Variants in ATP6V0D1 observed in about 807,000 individuals in gnomAD.
ATP6V0D1 encodes the protein ATPase H+ transporting V0 subunit d1.
Under a neutral mutation model 39.0 loss-of-function variants are expected in ATP6V0D1, and 13 were observed. The ratio of observed to expected loss-of-function variants is 0.33; its 90% CI spans 0.22 to 0.53. ATP6V0D1 has a LOEUF of 0.53. Among genes scored for constraint, ATP6V0D1 ranks in the 20% least tolerant of loss-of-function variants. ATP6V0D1 has a pLI of 0.94. For missense variants in ATP6V0D1, 272 were observed against 470.9 expected (o/e 0.58, Z 3.91); for synonymous variants, 191 against 191.2 (o/e 1.00, Z 0.01).
In ATP6V0D1 at chr16:67,445,213, G is replaced by A. The variant is rs561953799; in HGVS notation, c.303-507C>T. 3.9e-5 allele frequency among the ~76,000 whole-genome samples: 6 copies of A among 152,340 alleles called. No homozygotes were observed. The South Asian group carries it at 1.2e-3, about 32-fold the overall frequency. On this transcript the variant is annotated intron_variant, in intron 2 of 7. Transcript: ENST00000290949. ...GGCATGGTCAGGACTGGCAGAGGGA[G>A]AGAAAGGCGCAGCAGCCGGCAGCAC...
intron 1 of ATP6V0D1, among the ~76,000 whole-genome samples, chr16:67,460,642 C>T (rs1173672680): frequency 6.6e-6 from 1 of 152,176 alleles, no homozygotes; most frequent in East Asian, 1.9e-4. Context: ...TCCAACACTT[C>T]CTATCAAATG....
At chr16:67,454,142 C>A (rs1425150691) in intron 1 of ATP6V0D1, among the ~76,000 whole-genome samples, 2 of 152,158 alleles carry the variant, frequency 1.3e-5, no homozygotes, top group Non-Finnish European at 2.9e-5. Context: ...CACCCCGAGG[C>A]ACATGAAATA....
rs1019147198 is a variant in ATP6V0D1, at chr16:67,438,461, GCACACACACGCGCACACACACA to G, written c.*45_*66del. ...TGTCACAGACCACATACACACACAC[GCACACACACGCGCACACACACA>G]CACACACACACAAAGAGTGCAATTG... On this transcript the variant is annotated 3_prime_UTR_variant, in exon 8 of 8. Coordinates refer to ENST00000290949, the MANE Select transcript of ATP6V0D1 (RefSeq NM_004691.5). 3.9e-6 allele frequency: 6 copies of G among 1,536,368 alleles called. No homozygotes were observed. The African/African-American group carries it at 5.5e-5, about 14-fold the overall frequency.
chr16:67,463,650 T>G, intron 1 of ATP6V0D1, among the ~76,000 whole-genome samples: 1 of 151,540 alleles, frequency 6.6e-6, no homozygotes. Context: ...GAGGTAGAGT[T>G]AATCCATCCC....
At chr16:67,465,304 C>T (rs1452891956) in intron 1 of ATP6V0D1, among the ~76,000 whole-genome samples, 1 of 152,198 alleles carries the variant, frequency 6.6e-6, no homozygotes, top group Admixed American at 6.5e-5. Flanking sequence ...TTGGCCATCT[C>T]CCGGAGTCAC....
At chr16:67,462,976 C>T (rs1473540946) in intron 1 of ATP6V0D1, among the ~76,000 whole-genome samples, 1 of 152,158 alleles carries the variant, frequency 6.6e-6, no homozygotes, top group Non-Finnish European at 1.5e-5. Flanking sequence ...AAAGTTGGGG[C>T]TCACTCAGTT....
Position 67,456,840 on chromosome 16 carries a change from G to GTTT in ATP6V0D1, c.131-3126_131-3125insAAA. On this transcript the variant is annotated intron_variant, in intron 1 of 7. Coordinates refer to ENST00000290949, the MANE Select transcript of ATP6V0D1 (RefSeq NM_004691.5). This position sits in a 1 kb window ranked among gnomAD's most constrained non-coding sequence, Gnocchi z 4.1. Reference sequence around the variant, plus strand: ...GGCCTCCTGATCCCTCCCCTCCAAAGCATCAGGGGCTGGGCCTCACCCGGG... The same window carrying GTTT: ...GGCCTCCTGATCCCTCCCCTCCAAAGTTTCATCAGGGGCTGGGCCTCACCCGGG... 6.6e-6 allele frequency: 1 copy of GTTT among 152,328 alleles called. No individual in the cohort carries two copies. The highest frequency in any genetic ancestry group is 1.5e-5 in the Non-Finnish European group (1 of 68,136). 9.4% of individuals were successfully genotyped at this position (152,328 alleles called of 1,614,324 possible).
chr16:67,463,575 G>GA lies in ATP6V0D1; in HGVS notation c.131-9861dup, dbSNP rs370921359. Among the ~76,000 whole-genome samples the GA allele has an allele frequency of 2.8e-3, 390 of 139,740 alleles. 1 individual carries two copies. The highest frequency in any genetic ancestry group is 3.7e-3 in the Non-Finnish European group (234 of 63,656). 91.7% of individuals were successfully genotyped at this position (139,740 alleles called of 152,430 possible). ...AGAGGGAGGGAGGGAGGAAGAAGGG[G>GA]AAAAAAAAAAAGAAAGAAAAAGAAA... On this transcript the variant is annotated intron_variant, in intron 1 of 7. Coordinates refer to ENST00000290949, the MANE Select transcript of ATP6V0D1 (RefSeq NM_004691.5).
At chr16:67,454,145 A>C (rs965729230) in intron 1 of ATP6V0D1, among the ~76,000 whole-genome samples, 1 of 152,188 alleles carries the variant, frequency 6.6e-6, no homozygotes, top group Non-Finnish European at 1.5e-5. Context: ...CCCGAGGCAC[A>C]TGAAATACAA....
chr16:67,476,211 G>C (rs1323440432), intron 1 of ATP6V0D1, among the ~76,000 whole-genome samples: 1 of 138,376 alleles, frequency 7.2e-6, no homozygotes, highest in Non-Finnish European at 1.5e-5. Flanking sequence ...AAGAAAACAA[G>C]ATTCCATTCC....
At chr16:67,466,003 A>G (rs2041326012) in intron 1 of ATP6V0D1, among the ~76,000 whole-genome samples, 1 of 152,008 alleles carries the variant, frequency 6.6e-6, no homozygotes, top group South Asian at 2.1e-4. Context: ...TGGTGGGAGG[A>G]TGGCATTGTC....
Position 67,444,787 on chromosome 16 carries a change from C to T in ATP6V0D1, c.303-81G>A. 1.5e-6 allele frequency: 2 copies of T among 1,319,356 alleles called. No homozygotes were observed. The highest frequency in any genetic ancestry group is 2.9e-5 in the South Asian group (2 of 69,958). 81.7% of individuals were successfully genotyped at this position (1,319,356 alleles called of 1,614,324 possible). ...GGCATAGCACCATGCCCTCGCCCGCCTGCACAGGCCATCACCCCTTAACAA... is the reference window on the plus strand; with the variant it reads ...GGCATAGCACCATGCCCTCGCCCGCTTGCACAGGCCATCACCCCTTAACAA... On this transcript the variant is annotated intron_variant, in intron 2 of 7. Coordinates refer to ENST00000290949, the MANE Select transcript of ATP6V0D1 (RefSeq NM_004691.5). This position sits in a 1 kb window ranked among gnomAD's most constrained non-coding sequence, Gnocchi z 4.8.
At chr16:67,450,360 A>G (rs2041164297) in intron 2 of ATP6V0D1, among the ~76,000 whole-genome samples, 1 of 152,196 alleles carries the variant, frequency 6.6e-6, no homozygotes, top group Admixed American at 6.5e-5. Context: ...TCCTCAGGGA[A>G]GCCAATCGTG....
rs918351014 is a variant in ATP6V0D1 at position 67,453,449 on chromosome 16, C to T, written c.302+95G>A. On this transcript the variant is annotated intron_variant, in intron 2 of 7. Transcript: ENST00000290949. This position sits in a 1 kb window ranked among gnomAD's most constrained non-coding sequence, Gnocchi z 4.1. ...TCAGCTCTGACAGCTGACACAGGCACGAAGGCAGCTAGCCTAAGCCACACT... is the reference window on the plus strand; with the variant it reads ...TCAGCTCTGACAGCTGACACAGGCATGAAGGCAGCTAGCCTAAGCCACACT... The T allele has an allele frequency of 6.2e-6, 9 of 1,460,982 alleles. No homozygotes were observed. The highest frequency in any genetic ancestry group is 2.3e-5 in the East Asian group (1 of 43,728). 90.5% of individuals were successfully genotyped at this position (1,460,982 alleles called of 1,614,324 possible).
At position 67,457,568 on chromosome 16, in the gene ATP6V0D1, C is replaced by G. The variant is rs1409900216; in HGVS notation, c.131-3853G>C. The G allele has an allele frequency of 5.4e-6, 7 of 1,289,350 alleles. No individual in the cohort carries two copies. The East Asian group carries it at 3.9e-4, about 72-fold the overall frequency. The allele number at this position is 1,289,350 out of a possible 1,614,324, so 79.9% of individuals were successfully genotyped here. A position where few individuals can be genotyped will look rare whatever the true frequency, so the allele number is the denominator to read the frequency against. Reference sequence around the variant, plus strand: ...GCCTGAACACTCACTGCTCACCTGACAGGCATGGACCATCAGCACTGTCAC... The same window carrying G: ...GCCTGAACACTCACTGCTCACCTGAGAGGCATGGACCATCAGCACTGTCAC... On this transcript the variant is annotated intron_variant, in intron 1 of 7. Transcript: ENST00000290949.
chr16:67,472,520 T>C (rs530946546), intron 1 of ATP6V0D1, among the ~76,000 whole-genome samples: 1 of 152,330 alleles, frequency 6.6e-6, no homozygotes, highest in African/African-American at 2.4e-5. Flanking sequence ...TGTGGTCATC[T>C]AATTTCACCA....
At chr16:67,457,493 C>T in intron 1 of ATP6V0D1, 1 of 1,074,380 alleles carries the variant, frequency 9.3e-7, no homozygotes, top group Non-Finnish European at 1.3e-6. Context: ...CAGGTGGTGG[C>T]AGAGGGGTGG....
At chr16:67,458,958 C>A in intron 1 of ATP6V0D1, 2 of 768,364 alleles carry the variant, frequency 2.6e-6, no homozygotes, top group Non-Finnish European at 3.2e-6. Context: ...AGACCACTCT[C>A]CATACCATCA....
intron 1 of ATP6V0D1, chr16:67,457,491 G>T: frequency 9.6e-7 from 1 of 1,043,468 alleles, no homozygotes; most frequent in Non-Finnish European, 1.3e-6. Context: ...GGCAGGTGGT[G>T]GCAGAGGGGT....
Sources: allele counts gnomAD v4.1 joint callset (sites outside exome capture counted in the v4.1 genomes callset), GRCh38; gene constraint gnomAD v4.1.1; non-coding constraint Gnocchi (gnomAD v3.1); transcripts MANE v1.5; gene names NCBI Gene and HGNC (gene_info 2026-07-23, HGNC 2026-07-21).